TMEFF2: variants seen among roughly 807,000 people sequenced by gnomAD.
The protein encoded by TMEFF2 is transmembrane protein with EGF like and two follistatin like domains 2.
TMEFF2 carries 28 observed loss-of-function variants against 53.8 expected under a neutral mutation model. The observed-to-expected ratio is 0.52, with a 90% CI of 0.39 to 0.71. The LOEUF (loss-of-function observed/expected upper bound fraction) is 0.71, where lower values mean the gene tolerates loss of function less well. TMEFF2 is among the 30% of genes least tolerant of loss of function. The probability of loss-of-function intolerance (pLI) is 0.00; values close to 1 mark genes in which losing one functional copy is unlikely to be tolerated. For missense variants in TMEFF2, 353 were observed against 455.2 expected, an observed-to-expected ratio of 0.78 and a Z score of 2.04; for synonymous variants, 162 against 166.3, an observed-to-expected ratio of 0.97 and a Z score of 0.20.
chr2:192,000,762 T>C lies in TMEFF2; in HGVS notation c.537-1554A>G, dbSNP rs570667152. On this transcript the variant is annotated intron_variant, in intron 5 of 9. Coordinates refer to ENST00000272771, the MANE Select transcript of TMEFF2 (RefSeq NM_016192.4). ...GCAGAAAATGTGCTAATGAACTTAC[T>C]TATTTATTTATTTATTTTGTAAGAG... 6.6e-5 allele frequency among the ~76,000 whole-genome samples: 10 copies of C among 152,120 alleles called. 1 individual carries two copies. Among genetic ancestry groups the C allele is most frequent in the African/African-American group, 2.4e-4 (10 of 41,566 alleles).
intron 7 of TMEFF2, among the ~76,000 whole-genome samples, 165 bp downstream of exon 7, chr2:191,998,097 A>G (rs1053189484): frequency 2.6e-5 from 4 of 152,082 alleles, no homozygotes; most frequent in East Asian, 3.9e-4. Flanking sequence ...CTTTGCTTCA[A>G]CAAAAAATTA....
chr2:192,142,238 C>T (rs1161834131), intron 4 of TMEFF2, among the ~76,000 whole-genome samples: 1 of 151,794 alleles, frequency 6.6e-6, no homozygotes, highest in Non-Finnish European at 1.5e-5. Flanking sequence ...ATCTTGGATT[C>T]TCCTAGAAGC....
intron 4 of TMEFF2, among the ~76,000 whole-genome samples, chr2:192,089,288 C>T (rs1688735239): frequency 6.7e-6 from 1 of 150,260 alleles, no homozygotes; most frequent in Admixed American, 6.6e-5. Context: ...CCTACTTGAC[C>T]TAGTTATTTG....
intron 5 of TMEFF2, among the ~76,000 whole-genome samples, chr2:192,014,641 G>A (rs1686705393): frequency 6.6e-6 from 1 of 152,166 alleles, no homozygotes; most frequent in Admixed American, 6.5e-5. Context: ...TTCAGTATGT[G>A]TCTAATTTAA....
At chr2:191,952,674 T>C (rs974188828) in intron 9 of TMEFF2, among the ~76,000 whole-genome samples, 3 of 152,208 alleles carry the variant, frequency 2.0e-5, no homozygotes, top group African/African-American at 7.2e-5. Context: ...CCATATTTTG[T>C]CTTTTTCAAG....
At chr2:192,053,625 A>G (rs1482418401) in intron 5 of TMEFF2, among the ~76,000 whole-genome samples, 1 of 152,240 alleles carries the variant, frequency 6.6e-6, no homozygotes. Context: ...AAATAAAACA[A>G]TAAGTTGTAC....
intron 4 of TMEFF2, among the ~76,000 whole-genome samples, chr2:192,087,531 CTT>C (rs1290681179): frequency 1.3e-5 from 2 of 152,080 alleles, no homozygotes; most frequent in Non-Finnish European, 2.9e-5. Context: ...CCCGTCAAAT[CTT>C]TGTTTGTTTA....
At chr2:192,146,732 C>T (rs966773574) in intron 4 of TMEFF2, among the ~76,000 whole-genome samples, 36 of 151,870 alleles carry the variant, frequency 2.4e-4, no homozygotes, top group Non-Finnish European at 4.7e-4. Flanking sequence ...AAAATATATT[C>T]CAACAAACCA....
chr2:192,133,343 G>A (rs563860546), intron 4 of TMEFF2, among the ~76,000 whole-genome samples: 23 of 152,076 alleles, frequency 1.5e-4, no homozygotes, highest in Admixed American at 8.5e-4. Context: ...CTTGGTGACC[G>A]ATCACGCACC....
At chr2:191,951,416 A>C (rs1691877097) in intron 9 of TMEFF2, among the ~76,000 whole-genome samples, 2 of 136,870 alleles carry the variant, frequency 1.5e-5, no homozygotes. Context: ...ATAGTGATGC[A>C]AAAGAGAAAA....
At chr2:192,001,963 A>T (rs191164036) in intron 5 of TMEFF2, among the ~76,000 whole-genome samples, 117 of 152,332 alleles carry the variant, frequency 7.7e-4, no homozygotes, top group African/African-American at 2.6e-3. Flanking sequence ...AAGCTTTAAC[A>T]CCAAATTGAA....
chr2:192,117,033 A>G (rs1447443813), intron 4 of TMEFF2, among the ~76,000 whole-genome samples: 2 of 152,150 alleles, frequency 1.3e-5, no homozygotes, highest in African/African-American at 4.8e-5. Context: ...ACTGCTGTAT[A>G]TATTTTCAAT....
At chr2:191,964,255 TCC>T (rs1407966038) in intron 7 of TMEFF2, among the ~76,000 whole-genome samples, 5,035 of 69,280 alleles carry the variant, frequency 0.073, 270 homozygotes, top group East Asian at 0.19. Context: ...CTTCCTTCCT[TCC>T]TCCTTTCTTT....
intron 5 of TMEFF2, among the ~76,000 whole-genome samples, chr2:192,013,904 T>A (rs1686690543): frequency 6.6e-6 from 1 of 152,016 alleles, no homozygotes; most frequent in African/African-American, 2.4e-5. Flanking sequence ...GTTGAAAAAA[T>A]GAATAAGTAA....
At chr2:192,178,973 T>C (rs1290432454) in intron 4 of TMEFF2, 2 of 151,240 alleles carry the variant, frequency 1.3e-5, no homozygotes, top group Non-Finnish European at 3.0e-5. Flanking sequence ...TACAATTTAG[T>C]TTCAATCTAT....
At chr2:192,074,512 T>C (rs1022695864) in intron 4 of TMEFF2, among the ~76,000 whole-genome samples, 1 of 151,972 alleles carries the variant, frequency 6.6e-6, no homozygotes, top group Non-Finnish European at 1.5e-5. Flanking sequence ...TAAATTACTA[T>C]TATTAAAACA....
chr2:192,038,687 T>C (rs1687395935), intron 5 of TMEFF2, among the ~76,000 whole-genome samples: 1 of 152,112 alleles, frequency 6.6e-6, no homozygotes, highest in Admixed American at 6.6e-5. Flanking sequence ...GGTTTCACCA[T>C]GTAGCCCAGG....
At chr2:191,957,662 A>G (rs1258957499) in intron 7 of TMEFF2, among the ~76,000 whole-genome samples, 1 of 152,226 alleles carries the variant, frequency 6.6e-6, no homozygotes, top group Non-Finnish European at 1.5e-5. Context: ...TAAAAGATGT[A>G]TAGTGCTTTC....
chr2:191,997,627 A>C (rs1686254325), intron 7 of TMEFF2, among the ~76,000 whole-genome samples: 1 of 151,596 alleles, frequency 6.6e-6, no homozygotes, highest in South Asian at 2.1e-4. Flanking sequence ...CCCATGAATT[A>C]TTTCTCACTC....
Sources: gnomAD v4.1 joint callset for allele counts (sites outside exome capture counted in the v4.1 genomes callset) on GRCh38, gnomAD v4.1.1 for gene constraint, MANE v1.5 for transcripts, NCBI Gene and HGNC (gene_info 2026-07-23, HGNC 2026-07-21) for gene names.